MACC1: variants seen among roughly 807,000 people sequenced by gnomAD.
MACC1 encodes the protein MET transcriptional regulator MACC1.
Under a neutral mutation model 70.7 loss-of-function variants are expected in MACC1, and 79 were observed. The ratio of observed to expected loss-of-function variants is 1.12; its 90% confidence interval spans 0.93 to 1.35. The LOEUF (loss-of-function observed/expected upper bound fraction) is 1.35. MACC1 is among the 40% of genes most tolerant of loss of function. The probability of loss-of-function intolerance (pLI) is 0.00; values close to 1 mark genes in which losing one functional copy is unlikely to be tolerated. For missense variants in MACC1, 1,106 were observed against 978.1 expected (o/e 1.13, Z -1.74); for synonymous variants, 361 against 347.2 (o/e 1.04, Z -0.44).
chr7:20,194,316 G>A (rs941305495), intron 1 of MACC1, among the ~76,000 whole-genome samples: 1 of 152,170 alleles, frequency 6.6e-6, no homozygotes, highest in Non-Finnish European at 1.5e-5. Context: ...CTGACACAGA[G>A]ATCAGTGATG....
At chr7:20,203,927 C>A (rs1782870372) in intron 1 of MACC1, among the ~76,000 whole-genome samples, 1 of 151,970 alleles carries the variant, frequency 6.6e-6, no homozygotes. Flanking sequence ...CCTTCATAAG[C>A]AATGTGGGCT....
rs1364359717 is a variant in MACC1 at position 20,139,435 on chromosome 7, GTTTATATC to G, written c.*1503_*1510del. ...CAGTTTCACATGATGGCATCTCTACGTTTATATCTCGTAGCATCACAGCCTCTCCATTG... is the reference window on the plus strand; with the variant it reads ...CAGTTTCACATGATGGCATCTCTACGTCGTAGCATCACAGCCTCTCCATTG... On this transcript the variant is annotated 3_prime_UTR_variant, in exon 7 of 7. Transcript: ENST00000400331. 7.2e-5 allele frequency: 11 copies of G among 152,126 alleles called. No individual in the cohort carries two copies. Among genetic ancestry groups the G allele is most frequent in the South Asian group, 6.2e-4 (3 of 4,810 alleles). 9.4% of individuals were successfully genotyped at this position (152,126 alleles called of 1,614,324 possible). A position where few individuals can be genotyped will look rare whatever the true frequency, so the allele number is the denominator to read the frequency against.
intron 6 of MACC1, among the ~76,000 whole-genome samples, chr7:20,144,411 G>A (rs1049901449): frequency 3.3e-5 from 5 of 152,196 alleles, no homozygotes; most frequent in African/African-American, 1.2e-4. Context: ...TGGAAAGAAA[G>A]ATAGGTTTGG....
At chr7:20,192,714 C>T (rs761137973) in intron 1 of MACC1, among the ~76,000 whole-genome samples, 10 of 152,164 alleles carry the variant, frequency 6.6e-5, no homozygotes, top group African/African-American at 9.7e-5. Context: ...GCAATAGATA[C>T]TGAAACATGG....
chr7:20,176,644 G>A (rs944945672), intron 1 of MACC1, among the ~76,000 whole-genome samples: 3 of 152,090 alleles, frequency 2.0e-5, no homozygotes, highest in East Asian at 3.8e-4. Flanking sequence ...TAGCAGCTTA[G>A]TATTTAATAG....
chr7:20,137,247 G>C lies in MACC1; in HGVS notation c.*3699C>G, dbSNP rs1484137777. On this transcript the variant is annotated 3_prime_UTR_variant, in exon 7 of 7. Coordinates refer to ENST00000400331, the MANE Select transcript of MACC1 (RefSeq NM_182762.4). ...ATGTTCACATTACACATTCAAGGCTGATTAGTAGCAGCAGTGTTTCTCAGC... is the reference window on the plus strand; with the variant it reads ...ATGTTCACATTACACATTCAAGGCTCATTAGTAGCAGCAGTGTTTCTCAGC... The C allele has an allele frequency of 1.3e-5, 2 of 152,170 alleles. No homozygotes were observed. The highest frequency in any genetic ancestry group is 4.8e-5 in the African/African-American group (2 of 41,452). The allele number at this position is 152,170 out of a possible 1,614,324, so 9.4% of individuals were successfully genotyped here. A position where few individuals can be genotyped will look rare whatever the true frequency, so the allele number is the denominator to read the frequency against.
intron 1 of MACC1, among the ~76,000 whole-genome samples, chr7:20,213,573 A>C (rs1783028283): frequency 6.6e-6 from 1 of 152,212 alleles, no homozygotes. Context: ...GTACATATAC[A>C]CCATGGAATA....
chr7:20,188,094 C>A (rs1782616962), intron 1 of MACC1, among the ~76,000 whole-genome samples: 2 of 152,122 alleles, frequency 1.3e-5, no homozygotes, highest in Admixed American at 6.6e-5. Context: ...TATAAAACCA[C>A]AAGATCTCCT....
rs570642541 is a variant in MACC1, at chr7:20,158,628, A to T, written c.1733T>A (p.Ile578Lys). Reference sequence around the variant, plus strand: ...TACCTTACCTTCCCCGAGGAGAGCTATTGTGTCCCCTTTGAAATATTCAAG... The same window carrying T: ...TACCTTACCTTCCCCGAGGAGAGCTTTTGTGTCCCCTTTGAAATATTCAAG... ...YFLEYFKGDT[I>K]ALLGEGKVKA... The change falls in exon 5 of 7, where the codon ATA becomes AAA. Residue 578 changes from isoleucine to lysine, a missense_variant. Coordinates refer to ENST00000400331, the MANE Select transcript of MACC1 (RefSeq NM_182762.4). The T allele has an allele frequency of 6.2e-7, 1 of 1,614,054 alleles. No homozygotes were observed. The highest frequency in any genetic ancestry group is 2.2e-5 in the East Asian group (1 of 44,872).
chr7:20,174,980 A>G (rs190953885), intron 1 of MACC1, among the ~76,000 whole-genome samples: 1 of 152,234 alleles, frequency 6.6e-6, no homozygotes, highest in East Asian at 1.9e-4. Flanking sequence ...TATATCACAT[A>G]TCCCAAATAT....
intron 2 of MACC1, among the ~76,000 whole-genome samples, chr7:20,169,463 G>A (rs1353948731): frequency 6.6e-6 from 1 of 152,132 alleles, no homozygotes; most frequent in Non-Finnish European, 1.5e-5. Context: ...TTTATAGTGT[G>A]GCTAATAAAG....
intron 1 of MACC1, among the ~76,000 whole-genome samples, chr7:20,188,299 T>C (rs1214419376): frequency 2.0e-5 from 3 of 152,158 alleles, no homozygotes; most frequent in African/African-American, 7.2e-5. Flanking sequence ...TTCCTGTATT[T>C]GAACCCCTTT....
intron 1 of MACC1, among the ~76,000 whole-genome samples, chr7:20,184,529 C>A (rs753227819): frequency 6.6e-6 from 1 of 152,146 alleles, no homozygotes. Context: ...AAGCAAGCAG[C>A]AAAGAATTGT....
At chr7:20,153,233 G>A (rs1197938812) in intron 6 of MACC1, 2 of 152,192 alleles carry the variant, frequency 1.3e-5, no homozygotes, top group Admixed American at 6.5e-5. Flanking sequence ...GAATTCAGCT[G>A]ACTTGATTTG....
intron 1 of MACC1, among the ~76,000 whole-genome samples, chr7:20,196,213 C>T (rs1394750481): frequency 6.6e-6 from 1 of 151,938 alleles, no homozygotes; most frequent in Non-Finnish European, 1.5e-5. Flanking sequence ...GATGGATTCT[C>T]GCTGTCTCCC....
chr7:20,176,296 TA>T (rs898459158), intron 1 of MACC1, among the ~76,000 whole-genome samples: 1 of 151,958 alleles, frequency 6.6e-6, no homozygotes, highest in Non-Finnish European at 1.5e-5. Flanking sequence ...ATAAAACTCG[TA>T]AAAATAAAAG....
chr7:20,171,592 T>C (rs1182295440), intron 1 of MACC1, among the ~76,000 whole-genome samples: 1 of 151,240 alleles, frequency 6.6e-6, no homozygotes, highest in African/African-American at 2.4e-5. Flanking sequence ...ATCTGTTTTT[T>C]TTTTTTTGAG....
At chr7:20,153,717 C>T (rs773641368) in intron 6 of MACC1, among the ~76,000 whole-genome samples, 1 of 152,196 alleles carries the variant, frequency 6.6e-6, no homozygotes, top group Non-Finnish European at 1.5e-5. Flanking sequence ...AGTTATCAAT[C>T]TCTCATCACC....
intron 1 of MACC1, among the ~76,000 whole-genome samples, chr7:20,191,199 G>A (rs1475992753): frequency 2.0e-5 from 3 of 152,212 alleles, no homozygotes; most frequent in Non-Finnish European, 1.5e-5. Flanking sequence ...TCAAACAGCA[G>A]AATGTGAAAT....
Sources: allele counts gnomAD v4.1 joint callset (sites outside exome capture counted in the v4.1 genomes callset), GRCh38; gene constraint gnomAD v4.1.1; transcripts MANE v1.5; gene names NCBI Gene and HGNC (gene_info 2026-07-23, HGNC 2026-07-21).